Variants in SPON1 observed in about 807,000 individuals in gnomAD.
SPON1 encodes the protein spondin 1.
Under a neutral mutation model 111.7 loss-of-function variants are expected in SPON1, and 52 were observed. That is an observed-to-expected ratio of 0.47 (90% CI 0.37 to 0.59). The LOEUF (loss-of-function observed/expected upper bound fraction) is 0.59, where lower values mean the gene tolerates loss of function less well. SPON1 is among the 20% of genes least tolerant of loss of function. SPON1 has a pLI of 0.00. For missense variants in SPON1, 957 were observed against 1,068.5 expected (o/e 0.90, Z 1.46); for synonymous variants, 410 against 395.8 (o/e 1.04, Z -0.43).
chr11:13,962,873 GC>G lies in SPON1; in HGVS notation c.-31del. 4.2e-6 allele frequency: 6 copies of G among 1,431,106 alleles called. No homozygotes were observed. Among genetic ancestry groups the G allele is most frequent in the Non-Finnish European group, 5.5e-6 (6 of 1,098,846 alleles). The allele number at this position is 1,431,106 out of a possible 1,614,324, so 88.7% of individuals were successfully genotyped here. A position where few individuals can be genotyped will look rare whatever the true frequency, so the allele number is the denominator to read the frequency against. On this transcript the variant is annotated 5_prime_UTR_variant, in exon 1 of 16. Coordinates refer to ENST00000576479, the MANE Select transcript of SPON1 (RefSeq NM_006108.4). Reference sequence around the variant, plus strand: ...GGCAGGAGTCGCGTGGCGAAGGCCTGCGGCCGCGGCACAAAGTTGGGGGCCG... The same window carrying G: ...GGCAGGAGTCGCGTGGCGAAGGCCTGGGCCGCGGCACAAAGTTGGGGGCCG...
At chr11:13,986,636 C>T (rs184808124) in intron 2 of SPON1, among the ~76,000 whole-genome samples, 10 of 150,958 alleles carry the variant, frequency 6.6e-5, no homozygotes, top group African/African-American at 2.4e-4. Flanking sequence ...CATAGGTATA[C>T]ATGTGCCATG....
chr11:14,264,682 T>C (rs1554942289), intron 15 of SPON1, among the ~76,000 whole-genome samples: 1 of 152,212 alleles, frequency 6.6e-6, no homozygotes, highest in Admixed American at 6.5e-5. Flanking sequence ...CATTCCTCCA[T>C]GACTCTTAGC....
Position 14,209,668 on chromosome 11 carries a change from G to C in SPON1, c.826-33664G>C, listed in dbSNP as rs185382964. Among the ~76,000 whole-genome samples, 680 of 152,246 alleles carry C rather than the reference G, an allele frequency of 4.5e-3. 2 individuals are homozygous for C. Among genetic ancestry groups the C allele is most frequent in the African/African-American group, 0.015 (644 of 41,550 alleles). On this transcript the variant is annotated intron_variant, in intron 6 of 15. Transcript: ENST00000576479. ...TCTTCATCCAGTCTATCATTGATGGGCATTTGGGTTGGTTCCAAGTCTTTG... is the reference window on the plus strand; with the variant it reads ...TCTTCATCCAGTCTATCATTGATGGCCATTTGGGTTGGTTCCAAGTCTTTG...
At position 13,963,112 on chromosome 11, in the gene SPON1, G is replaced by A; in HGVS notation, c.208G>A (p.Asp70Asn). The part of the protein sequence containing the change: ...EFSLRVEGDP[D>N]FYKPGTSYRV... The stretch of plus-strand genomic sequence containing the variant: ...CAGCCTCCGCGTGGAGGGCGACCCC[G>A]ACTTCTACAAGCCGGGAACCAGCTA... Residue 70 changes from aspartate to asparagine, a missense_variant, in exon 1 of 16, where the codon GAC becomes AAC. Asp to Asn is a conservative substitution (Grantham distance 23). Around this residue, in one of 5 missense-constraint regions of SPON1, gnomAD observed 262 missense variants for 253.9 expected, o/e 1.03. Transcript: ENST00000576479. 1 of 1,534,658 alleles carries A rather than the reference G, an allele frequency of 6.5e-7. No individual in the cohort carries two copies. The highest frequency in any genetic ancestry group is 8.8e-7 in the Non-Finnish European group (1 of 1,141,720).
intron 3 of SPON1, among the ~76,000 whole-genome samples, chr11:14,069,858 A>C (rs1274703538): frequency 6.6e-6 from 1 of 151,540 alleles, no homozygotes; most frequent in Non-Finnish European, 1.5e-5. Context: ...GGAGTCTTGT[A>C]GATAGAGTCT....
intron 5 of SPON1, among the ~76,000 whole-genome samples, chr11:14,087,218 T>TCC (rs1331193558): frequency 1.3e-5 from 2 of 152,190 alleles, no homozygotes; most frequent in Non-Finnish European, 2.9e-5. Context: ...GCTTCTCTAG[T>TCC]TCTTTTAATT....
At chr11:13,973,725 A>C (rs187831056) in intron 1 of SPON1, among the ~76,000 whole-genome samples, 1 of 152,208 alleles carries the variant, frequency 6.6e-6, no homozygotes, top group Non-Finnish European at 1.5e-5. Context: ...ATTAATTGTC[A>C]TGATGACAAC....
At chr11:14,101,344 G>A (rs1849142549) in intron 5 of SPON1, among the ~76,000 whole-genome samples, 1 of 152,030 alleles carries the variant, frequency 6.6e-6, no homozygotes, top group African/African-American at 2.4e-5. Context: ...AGGTTGCAGT[G>A]AGCAGAGATC....
rs1308112343 is a variant in SPON1 at position 14,135,197 on chromosome 11, CGT to C, written c.677-222_677-221del. The C allele has an allele frequency of 4.5e-6, 2 of 446,740 alleles. No individual in the cohort carries two copies. Among genetic ancestry groups the C allele is most frequent in the African/African-American group, 1.9e-5 (1 of 51,764 alleles). The allele number at this position is 446,740 out of a possible 1,614,324, so 27.7% of individuals were successfully genotyped here. A position where few individuals can be genotyped will look rare whatever the true frequency, so the allele number is the denominator to read the frequency against. ...AGAACGCATCTCTGGGCTGCCTCTG[CGT>C]CTTGTTCAACATCTGCTGTTGACCT... On this transcript the variant is annotated intron_variant, in intron 5 of 15. Transcript: ENST00000576479. This position sits in a 1 kb window ranked among gnomAD's most constrained non-coding sequence, Gnocchi z 4.4.
rs1849107972 is a variant in SPON1 at position 14,097,143 on chromosome 11, C to A, written c.676+17122C>A. Among the ~76,000 whole-genome samples, 4 of 152,160 alleles carry A rather than the reference C, an allele frequency of 2.6e-5. No homozygotes were observed. The South Asian group carries it at 8.3e-4, about 32-fold the overall frequency. On this transcript the variant is annotated intron_variant, in intron 5 of 15. Transcript: ENST00000576479. ...CTCAGACGCCAATCCAGTTCCCATT[C>A]CCAAATCTTCTCTCTTTGCCAACAC...
At chr11:14,083,145 T>C (rs895016233) in intron 5 of SPON1, among the ~76,000 whole-genome samples, 1 of 152,206 alleles carries the variant, frequency 6.6e-6, no homozygotes, top group African/African-American at 2.4e-5. Flanking sequence ...GAACATATTT[T>C]ATGAAAATAC....
At chr11:14,154,814 T>C (rs1220239306) in intron 6 of SPON1, among the ~76,000 whole-genome samples, 1 of 152,198 alleles carries the variant, frequency 6.6e-6, no homozygotes, top group Non-Finnish European at 1.5e-5. Flanking sequence ...TTTCTTTGTT[T>C]ATGCAGGTTA....
At chr11:14,131,398 T>C (rs1340979901) in intron 5 of SPON1, among the ~76,000 whole-genome samples, 3 of 152,194 alleles carry the variant, frequency 2.0e-5, no homozygotes, top group Non-Finnish European at 2.9e-5. Context: ...ATTAGATGTT[T>C]GAGCCTAGCA....
At chr11:14,102,339 T>G (rs112525186) in intron 5 of SPON1, among the ~76,000 whole-genome samples, 68 of 152,304 alleles carry the variant, frequency 4.5e-4, no homozygotes, top group African/African-American at 1.6e-3. Context: ...TAATGTTCTA[T>G]TCTATTTTAT....
chr11:14,091,169 C>G (rs996733610), intron 5 of SPON1, among the ~76,000 whole-genome samples: 9 of 152,244 alleles, frequency 5.9e-5, no homozygotes, highest in Non-Finnish European at 1.2e-4. Flanking sequence ...AAACCTTGAG[C>G]GAGACACAGG....
At chr11:13,991,040 A>G (rs189638063) in intron 2 of SPON1, among the ~76,000 whole-genome samples, 299 of 152,172 alleles carry the variant, frequency 2.0e-3, no homozygotes, top group Middle Eastern at 6.8e-3. Flanking sequence ...GAATCTGACA[A>G]TTAATGTGTC....
At chr11:14,251,727 G>A (rs1354937747) in intron 7 of SPON1, among the ~76,000 whole-genome samples, 5 of 152,348 alleles carry the variant, frequency 3.3e-5, no homozygotes, top group Non-Finnish European at 7.3e-5. Flanking sequence ...CTGCACCCAG[G>A]TGCCAGTGCT....
chr11:13,991,507 C>T (rs1554911209), intron 2 of SPON1, among the ~76,000 whole-genome samples: 1 of 152,154 alleles, frequency 6.6e-6, no homozygotes, highest in Admixed American at 6.5e-5. Context: ...AGCTTCCTTG[C>T]ATTGGGTTAG....
At chr11:14,033,550 G>T (rs1467368458) in intron 2 of SPON1, among the ~76,000 whole-genome samples, 1 of 152,116 alleles carries the variant, frequency 6.6e-6, no homozygotes, top group Non-Finnish European at 1.5e-5. Flanking sequence ...AAAAAGAAAA[G>T]CCCATAAATA....
Sources: allele counts gnomAD v4.1 joint callset (sites outside exome capture counted in the v4.1 genomes callset), GRCh38; gene constraint gnomAD v4.1.1; regional missense constraint gnomAD v4.1.1; non-coding constraint Gnocchi (gnomAD v3.1); transcripts MANE v1.5; gene names NCBI Gene and HGNC (gene_info 2026-07-23, HGNC 2026-07-21).